The following RNF32 variants were observed in gnomAD, a reference collection of about 807,000 sequenced individuals.
RNF32 encodes ring finger protein 32.
Under a neutral mutation model 41.0 loss-of-function variants are expected in RNF32, and 36 were observed. That is an observed-to-expected ratio of 0.88 (90% confidence interval 0.67 to 1.16). The LOEUF is 1.16. RNF32 is among the 50% of genes most tolerant of loss of function. RNF32 has a pLI of 0.00. For synonymous variants in RNF32, 154 were observed against 160.9 expected (o/e 0.96, Z 0.32); for missense variants, 413 against 436.7 (o/e 0.95, Z 0.48).
At chr7:156,640,718 C>T (rs955444731), upstream of RNF32, 2 of 277,026 alleles carry the variant, frequency 7.2e-6, no homozygotes, top group Non-Finnish European at 1.4e-5. Context: ...AGCGCGGAGG[C>T]GGGCGTTGCT....
rs111560888 is a variant in RNF32 at position 156,641,034 on chromosome 7, G to C, written c.-78+223G>C. The C allele has an allele frequency of 4.7e-3, 736 of 155,994 alleles. 3 individuals carry two copies. The highest frequency in any genetic ancestry group is 0.023 in the Middle Eastern group (7 of 304). The allele number at this position is 155,994 out of a possible 1,614,324, so 9.7% of individuals were successfully genotyped here. On this transcript the variant is annotated intron_variant, in intron 1 of 8. Coordinates refer to ENST00000317955, the MANE Select transcript of RNF32 (RefSeq NM_030936.4). ...GTTTCCACAGCTCCTTCTATCTGAG[G>C]GGTACGAATTTACGGCTGCCTAAAG...
chr7:156,661,309 TG>T (rs1800632274), intron 7 of RNF32, among the ~76,000 whole-genome samples: 1 of 144,590 alleles, frequency 6.9e-6, no homozygotes, highest in Non-Finnish European at 1.5e-5. Flanking sequence ...GTTCTGTTGC[TG>T]GGGGCCTTAG....
At chr7:156,674,812 G>C (rs539131506) in intron 7 of RNF32, among the ~76,000 whole-genome samples, 1 of 152,186 alleles carries the variant, frequency 6.6e-6, no homozygotes, top group Non-Finnish European at 1.5e-5. Flanking sequence ...TAATGTGACT[G>C]CCAGAAATTT....
rs1563103819 is a variant in RNF32 at position 156,675,684 on chromosome 7, C to CCA, written c.685-11_685-10insAC. 4 of 1,599,738 alleles carry CCA rather than the reference C, an allele frequency of 2.5e-6. No individual in the cohort carries two copies. The highest frequency in any genetic ancestry group is 1.7e-6 in the Non-Finnish European group (2 of 1,168,082). On this transcript the variant is annotated splice_polypyrimidine_tract_variant and intron_variant, in intron 7 of 8. Coordinates refer to ENST00000317955, the MANE Select transcript of RNF32 (RefSeq NM_030936.4). ...TCAGGTGTGAGCTTACCCGCCCCCG[C>CCA]CTCCTCCTCAGTTCACAGAAATCAG...
At position 156,654,679 on chromosome 7, in the gene RNF32, A is replaced by G. The variant is rs1585033899; in HGVS notation, c.378A>G (p.Pro126=). ...RSLLQGDSVQ[P]CPICKEEFEL... ...TCCTGCAAGGGGACTCCGTGCAACC[A>G]TGCCCCATCTGTAAAGAAGAATTCG... The change falls in exon 4 of 9, where the codon CCA becomes CCG. Residue 126 remains proline (P), a synonymous_variant. Coordinates refer to ENST00000317955, the MANE Select transcript of RNF32 (RefSeq NM_030936.4). 1 of 1,614,168 alleles carries G rather than the reference A, an allele frequency of 6.2e-7. No homozygotes were observed. The highest frequency in any genetic ancestry group is 2.2e-5 in the East Asian group (1 of 44,884).
Position 156,676,428 on chromosome 7 carries a change from CG to C in RNF32, c.865del (p.Glu289ArgfsTer46). 6.2e-7 allele frequency: 1 copy of C among 1,614,070 alleles called. No individual in the cohort carries two copies. The highest frequency in any genetic ancestry group is 8.5e-7 in the Non-Finnish European group (1 of 1,179,970). ...GTCCTGTGTGCCGCAGGCTCTGCGC[CG>C]GGAGACCCACGAGTGCTCCATCTGC... ...WEKIQVQALR[R>X]ETHECSICLA... On this transcript the variant is annotated frameshift_variant, in exon 9 of 9. Transcript: ENST00000317955. LOFTEE classifies it low-confidence loss of function (END_TRUNC).
intron 3 of RNF32, among the ~76,000 whole-genome samples, chr7:156,647,994 T>C (rs1479645128): frequency 6.6e-6 from 1 of 151,916 alleles, no homozygotes; most frequent in Non-Finnish European, 1.5e-5. Context: ...AAATATCTGT[T>C]CGTATCATTT....
chr7:156,676,772 G>C lies in RNF32; in HGVS notation c.*117G>C. 2.8e-6 allele frequency: 2 copies of C among 722,986 alleles called. No individual in the cohort carries two copies. Among genetic ancestry groups the C allele is most frequent in the Admixed American group, 4.8e-5 (2 of 41,722 alleles). 44.8% of individuals were successfully genotyped at this position (722,986 alleles called of 1,614,324 possible). On this transcript the variant is annotated 3_prime_UTR_variant, in exon 9 of 9. Coordinates refer to ENST00000317955, the MANE Select transcript of RNF32 (RefSeq NM_030936.4). ...TGTAATCTGTTTCCCAGGGAAATAA[G>C]CTATTGGTAGTTGTAGGAAATCTTA...
chr7:156,670,345 G>A lies in RNF32; in HGVS notation c.685-5351G>A, dbSNP rs946500263. On this transcript the variant is annotated intron_variant, in intron 7 of 8. Transcript: ENST00000317955. This position sits in a 1 kb window ranked among gnomAD's most constrained non-coding sequence, Gnocchi z 4.3. Reference sequence around the variant, plus strand: ...TCACTGAGGAGTCAGGTCTGCAAGGGGGGCCCTGCGTTTTGCATCCCCTGG... The same window carrying A: ...TCACTGAGGAGTCAGGTCTGCAAGGAGGGCCCTGCGTTTTGCATCCCCTGG... Among the ~76,000 whole-genome samples the A allele has an allele frequency of 1.3e-5, 2 of 152,202 alleles. No individual in the cohort carries two copies. The highest frequency in any genetic ancestry group is 6.5e-5 in the Admixed American group (1 of 15,282).
intron 3 of RNF32, among the ~76,000 whole-genome samples, chr7:156,645,601 C>T (rs1797881339): frequency 6.6e-6 from 1 of 152,202 alleles, no homozygotes; most frequent in Non-Finnish European, 1.5e-5. Context: ...AAAAAGACAT[C>T]AGTGTGACAG....
chr7:156,673,684 C>T (rs77318646), intron 7 of RNF32, among the ~76,000 whole-genome samples: 4,672 of 152,220 alleles, frequency 0.031, 112 homozygotes, highest in East Asian at 0.12. Flanking sequence ...ACAGAATGTT[C>T]TTTACTCAAA....
In RNF32 at chr7:156,658,547, AGAAAAAAATTCTTT is replaced by A; in HGVS notation, c.670_683del (p.Phe224ValfsTer17). The A allele has an allele frequency of 6.2e-7, 1 of 1,612,614 alleles. No homozygotes were observed. The highest frequency in any genetic ancestry group is 1.7e-5 in the Admixed American group (1 of 60,028). Reference sequence around the variant, plus strand: ...AGTACCTCCCACAGATGCCAAGTTAAGAAAAAAATTCTTTGAAAAAAAGGTAGGTAAAGATCATT... The same window carrying A: ...AGTACCTCCCACAGATGCCAAGTTAAGAAAAAAAGGTAGGTAAAGATCATT... On this transcript the variant is annotated frameshift_variant, in exon 7 of 9. Coordinates refer to ENST00000317955, the MANE Select transcript of RNF32 (RefSeq NM_030936.4). LOFTEE classifies it high-confidence loss of function.
chr7:156,647,187 T>G (rs1358060986), intron 3 of RNF32, among the ~76,000 whole-genome samples: 1 of 151,754 alleles, frequency 6.6e-6, no homozygotes, highest in Non-Finnish European at 1.5e-5. Context: ...TTTTTGTGTG[T>G]GTTTCTTCTT....
chr7:156,642,694 C>T (rs565961029), intron 1 of RNF32, among the ~76,000 whole-genome samples: 12 of 152,332 alleles, frequency 7.9e-5, no homozygotes, highest in African/African-American at 2.9e-4. Context: ...CTGGAGAGGA[C>T]GGCATCCCAT....
intron 7 of RNF32, among the ~76,000 whole-genome samples, chr7:156,671,029 T>G (rs1199212454): frequency 2.0e-5 from 3 of 152,220 alleles, no homozygotes; most frequent in Non-Finnish European, 4.4e-5. Flanking sequence ...CTCAGATCCT[T>G]GTATTGGTTC....
intron 3 of RNF32, among the ~76,000 whole-genome samples, chr7:156,651,651 T>C (rs34281476): frequency 0.094 from 14,266 of 152,278 alleles, 827 homozygotes; most frequent in East Asian, 0.26. Flanking sequence ...TAACATTCAG[T>C]GTTTACTCTG....
chr7:156,643,477 A>T (rs1380059327), intron 1 of RNF32, among the ~76,000 whole-genome samples: 2 of 152,172 alleles, frequency 1.3e-5, no homozygotes, highest in Admixed American at 1.3e-4. Context: ...GGTTTTTCCA[A>T]GTCTCCAGTG....
At chr7:156,672,376 G>A (rs929049099) in intron 7 of RNF32, among the ~76,000 whole-genome samples, 1 of 152,132 alleles carries the variant, frequency 6.6e-6, no homozygotes, top group African/African-American at 2.4e-5. Context: ...ACTAATAAAG[G>A]AGATAGGACC....
At chr7:156,672,945 C>G (rs1489143564) in intron 7 of RNF32, among the ~76,000 whole-genome samples, 1 of 152,216 alleles carries the variant, frequency 6.6e-6, no homozygotes, top group Non-Finnish European at 1.5e-5. Flanking sequence ...ACCTGGAGGG[C>G]TGTAAAGCAT....
Sources: gnomAD v4.1 joint callset for allele counts (sites outside exome capture counted in the v4.1 genomes callset) on GRCh38, gnomAD v4.1.1 for gene constraint, Gnocchi (gnomAD v3.1) non-coding constraint, MANE v1.5 for transcripts, NCBI Gene and HGNC (gene_info 2026-07-23, HGNC 2026-07-21) for gene names.